The following ZSCAN20 variants were observed in gnomAD, a reference collection of about 807,000 sequenced individuals.
ZSCAN20 encodes zinc finger and SCAN domain-containing protein 20.
Under a neutral mutation model 97.1 loss-of-function variants are expected in ZSCAN20, and 39 were observed. That is an observed-to-expected ratio of 0.40 (90% CI 0.31 to 0.52). The LOEUF (loss-of-function observed/expected upper bound fraction) is 0.52. Among genes scored for constraint, ZSCAN20 ranks in the 20% least tolerant of loss-of-function variants. The pLI is 0.49. For missense variants in ZSCAN20, 1,115 were observed against 1,290.4 expected, an observed-to-expected ratio of 0.86 and a Z score of 2.08; for synonymous variants, 456 against 467.3, an observed-to-expected ratio of 0.98 and a Z score of 0.31.
At chr1:33,475,689 G>A (rs971230032) in intron 1 of ZSCAN20, among the ~76,000 whole-genome samples, 6 of 151,364 alleles carry the variant, frequency 4.0e-5, no homozygotes, top group East Asian at 1.9e-4. Context: ...AGACAGAGTC[G>A]TGCTCTGTTG....
At position 33,489,589 on chromosome 1, in the gene ZSCAN20, C is replaced by G; in HGVS notation, c.753C>G (p.Asn251Lys). The G allele has an allele frequency of 6.2e-7, 1 of 1,614,130 alleles. No individual in the cohort carries two copies. Among genetic ancestry groups the G allele is most frequent in the Non-Finnish European group, 8.5e-7 (1 of 1,180,016 alleles). Residue 251 changes from asparagine to lysine, a missense_variant, in exon 5 of 8, where the codon AAC becomes AAG. By Grantham distance (94) the Asn-to-Lys change is moderately conservative. Coordinates refer to ENST00000684572, the MANE Select transcript of ZSCAN20 (RefSeq NM_001377376.1). ...CKDPPGDDCG[N>K]SVCLGVPVSK... Reference sequence around the variant, plus strand: ...ACCCCCCAGGAGACGACTGTGGGAACAGCGTGTGCCTGGGTAAGGAGACGT... The same window carrying G: ...ACCCCCCAGGAGACGACTGTGGGAAGAGCGTGTGCCTGGGTAAGGAGACGT...
In ZSCAN20 at chr1:33,501,605, G is replaced by C. The variant is rs781344678; in HGVS notation, c.*6129G>C. Among the ~76,000 whole-genome samples the C allele has an allele frequency of 6.1e-5, 9 of 148,564 alleles. No homozygotes were observed. The highest frequency in any genetic ancestry group is 1.3e-4 in the Admixed American group (2 of 14,866). On this transcript the variant is annotated 3_prime_UTR_variant, in exon 8 of 8. Coordinates refer to ENST00000684572, the MANE Select transcript of ZSCAN20 (RefSeq NM_001377376.1). ...TCAAATCATATTTTGGGATGGAATG[G>C]CCTGATAAGTTAATAAATTATATTA...
intron 5 of ZSCAN20, among the ~76,000 whole-genome samples, chr1:33,490,690 A>ACACACC (rs1557442637): frequency 2.3e-5 from 3 of 129,756 alleles, no homozygotes; most frequent in Non-Finnish European, 3.4e-5. Flanking sequence ...CACACCACAC[A>ACACACC]CCCTTTTCCT....
At chr1:33,494,095 AGAAGATATAAG>A in intron 7 of ZSCAN20, 112 bp from the exon 8 acceptor site, 1 of 856,954 alleles carries the variant, frequency 1.2e-6, no homozygotes, top group Non-Finnish European at 1.8e-6. Context: ...GATGTGCGAT[AGAAGATATAAG>A]AATCAAATTC....
intron 5 of ZSCAN20, among the ~76,000 whole-genome samples, chr1:33,490,466 G>A (rs960192800): frequency 1.3e-5 from 2 of 152,150 alleles, no homozygotes; most frequent in Non-Finnish European, 2.9e-5. Context: ...GAAGTCCAGA[G>A]GAGGACATGC....
In ZSCAN20 at chr1:33,498,286, T is replaced by A. The variant is rs1037232637; in HGVS notation, c.*2810T>A. ...TCACCCTTTCCCCTGGGTTTGGTAG[T>A]GTGTTAGTGTCTCATATCTTTAGTG... On this transcript the variant is annotated 3_prime_UTR_variant, in exon 8 of 8. Coordinates refer to ENST00000684572, the MANE Select transcript of ZSCAN20 (RefSeq NM_001377376.1). Among the ~76,000 whole-genome samples the A allele has an allele frequency of 6.6e-6, 1 of 152,208 alleles. No individual in the cohort carries two copies. The highest frequency in any genetic ancestry group is 1.5e-5 in the Non-Finnish European group (1 of 68,044).
chr1:33,491,457 C>T lies in ZSCAN20; in HGVS notation c.1199C>T (p.Pro400Leu). The T allele has an allele frequency of 6.2e-7, 1 of 1,614,162 alleles. No individual in the cohort carries two copies. The highest frequency in any genetic ancestry group is 8.5e-7 in the Non-Finnish European group (1 of 1,180,020). ...AGCAGCCACCCACCAGGTACCTGCC[C>T]CTTCTATGAGGAGCTGGAGGCCCTG... is the stretch of plus-strand genomic sequence containing the variant. ...AKSSHPPGTCPFYEELEALVR... is the reference protein window; with the variant it reads ...AKSSHPPGTCLFYEELEALVR... The change falls in exon 6 of 8, where the codon CCC becomes CTC. Residue 400 changes from proline (P) to leucine (L), a missense_variant. Pro to Leu is a moderately conservative substitution (Grantham distance 98, BLOSUM62 -3). Transcript: ENST00000684572. The surrounding 1 kb of genome is among the most constrained non-coding windows in gnomAD (Gnocchi z 4.3).
At chr1:33,476,784 T>G (rs1651955282) in intron 1 of ZSCAN20, among the ~76,000 whole-genome samples, 1 of 152,226 alleles carries the variant, frequency 6.6e-6, no homozygotes, top group Non-Finnish European at 1.5e-5. Flanking sequence ...GGCAAAATCT[T>G]TCTACATATG....
chr1:33,476,235 G>A (rs1383637933), intron 1 of ZSCAN20, among the ~76,000 whole-genome samples: 1 of 152,150 alleles, frequency 6.6e-6, no homozygotes, highest in East Asian at 1.9e-4. Flanking sequence ...GAAGTCACCC[G>A]GCTGTTGGCC....
At chr1:33,492,877 C>T (rs181891756) in intron 6 of ZSCAN20, among the ~76,000 whole-genome samples, 123 of 152,082 alleles carry the variant, frequency 8.1e-4, no homozygotes, top group African/African-American at 2.9e-3. Flanking sequence ...CAGGCCTTTC[C>T]CTGAACTAAT....
In ZSCAN20 at chr1:33,487,615, C is replaced by A. The variant is rs1400121001; in HGVS notation, c.418-850C>A. Among the ~76,000 whole-genome samples, 3 of 151,754 alleles carry A rather than the reference C, an allele frequency of 2.0e-5. No individual in the cohort carries two copies. In the East Asian group the frequency reaches 5.8e-4, roughly 29 times the overall value. On this transcript the variant is annotated intron_variant, in intron 2 of 7. Transcript: ENST00000684572. ...TGTCCTTCTATTGTAAGATTAACAACACGTACTTTTATCTCATTTTAAAAT... is the reference window on the plus strand; with the variant it reads ...TGTCCTTCTATTGTAAGATTAACAAAACGTACTTTTATCTCATTTTAAAAT...
rs1652462438 is a variant in ZSCAN20 at position 33,488,574 on chromosome 1, A to G, written c.527A>G (p.Lys176Arg). The G allele has an allele frequency of 6.2e-7, 1 of 1,612,982 alleles. No homozygotes were observed. The highest frequency in any genetic ancestry group is 8.5e-7 in the Non-Finnish European group (1 of 1,179,792). ...DPWPEGQSQK[K>R]GVKNTCPDLP... Reference sequence around the variant, plus strand: ...TGGCCTGAGGGACAGTCCCAGAAGAAGGGGGTGAAGAATACATGCCCTGAC... The same window carrying G: ...TGGCCTGAGGGACAGTCCCAGAAGAGGGGGGTGAAGAATACATGCCCTGAC... Residue 176 changes from lysine to arginine, a missense_variant, in exon 3 of 8, where the codon AAG becomes AGG. Physicochemically the swap from Lys to Arg is conservative, Grantham distance 26. Around this residue, in one of 3 missense-constraint regions of ZSCAN20, gnomAD observed 508 missense variants for 611.2 expected, o/e 0.83. Coordinates refer to ENST00000684572, the MANE Select transcript of ZSCAN20 (RefSeq NM_001377376.1).
At chr1:33,488,336 T>C in intron 2 of ZSCAN20, 129 bp from the exon 3 acceptor site, 1 of 856,578 alleles carries the variant, frequency 1.2e-6, no homozygotes, top group East Asian at 2.5e-5. Flanking sequence ...TCTGATGGCT[T>C]TCTCATCCTA....
In ZSCAN20 at chr1:33,500,665, T is replaced by G. The variant is rs78177272; in HGVS notation, c.*5189T>G. ...CATGATACTTATTTCTAAAGTCACTTTTTTTTTTTTTTTTACATTTTCATT... is the reference window on the plus strand; with the variant it reads ...CATGATACTTATTTCTAAAGTCACTGTTTTTTTTTTTTTTACATTTTCATT... On this transcript the variant is annotated 3_prime_UTR_variant, in exon 8 of 8. Coordinates refer to ENST00000684572, the MANE Select transcript of ZSCAN20 (RefSeq NM_001377376.1). Among the ~76,000 whole-genome samples the G allele has an allele frequency of 7.8e-5, 2 of 25,648 alleles. No individual in the cohort carries two copies. Among genetic ancestry groups the G allele is most frequent in the Non-Finnish European group, 1.9e-4 (2 of 10,518 alleles). 16.8% of individuals were successfully genotyped at this position (25,648 alleles called of 152,430 possible). A position where few individuals can be genotyped will look rare whatever the true frequency, so the allele number is the denominator to read the frequency against.
In ZSCAN20 at chr1:33,497,714, G is replaced by A. The variant is rs1213514466; in HGVS notation, c.*2238G>A. Among the ~76,000 whole-genome samples, 1 of 152,150 alleles carries A rather than the reference G, an allele frequency of 6.6e-6. No individual in the cohort carries two copies. The highest frequency in any genetic ancestry group is 1.5e-5 in the Non-Finnish European group (1 of 67,996). ...TCTGAACTAGAGCAGTGGTGACACT[G>A]AGGAGGAGGGAATGAATGGGAAAGG... is the stretch of plus-strand genomic sequence containing the variant. On this transcript the variant is annotated 3_prime_UTR_variant, in exon 8 of 8. Coordinates refer to ENST00000684572, the MANE Select transcript of ZSCAN20 (RefSeq NM_001377376.1).
At chr1:33,473,212 G>C (rs1341794313) in intron 1 of ZSCAN20, among the ~76,000 whole-genome samples, 2 of 152,110 alleles carry the variant, frequency 1.3e-5, no homozygotes, top group Non-Finnish European at 2.9e-5. Flanking sequence ...TATGTCTTAT[G>C]GAAGTCAGTG....
At chr1:33,489,645 GAT>G in intron 5 of ZSCAN20, 43 bp downstream of exon 5, 1 of 1,570,670 alleles carries the variant, frequency 6.4e-7, no homozygotes. Context: ...TCATGCTTCT[GAT>G]ACACCCAGTT....
chr1:33,491,150 C>A lies in ZSCAN20; in HGVS notation c.892C>A (p.Gln298Lys). The A allele has an allele frequency of 3.1e-6, 5 of 1,614,016 alleles. No homozygotes were observed. The highest frequency in any genetic ancestry group is 4.2e-6 in the Non-Finnish European group (5 of 1,180,034). ...TTACAGCCTGGATAATGAGCCAGCT[C>A]AGGCATTGACCTGGAGGGATTCAAG... ...ADYSLDNEPA[Q>K]ALTWRDSRAW... The change falls in exon 6 of 8, where the codon CAG (glutamine) becomes AAG (lysine). Residue 298 changes from glutamine (Q) to lysine (K), a missense_variant. Gln to Lys is a moderately conservative substitution (Grantham distance 53, BLOSUM62 1). This residue lies in a region of ZSCAN20 where 508 missense variants were observed against 611.2 expected (regional missense o/e 0.83). Transcript: ENST00000684572. This position sits in a 1 kb window ranked among gnomAD's most constrained non-coding sequence, Gnocchi z 4.3.
At position 33,496,436 on chromosome 1, in the gene ZSCAN20, T is replaced by C. The variant is rs187095707; in HGVS notation, c.*960T>C. 6.6e-6 allele frequency: 1 copy of C among 152,312 alleles called. No individual in the cohort carries two copies. The highest frequency in any genetic ancestry group is 1.9e-4 in the East Asian group (1 of 5,190). 9.4% of individuals were successfully genotyped at this position (152,312 alleles called of 1,614,324 possible). The stretch of plus-strand genomic sequence containing the variant: ...GAGCAAGGATGAGCTATTATCAAAA[T>C]ACTTGATGTGAGTTTCCATCTTCGC... On this transcript the variant is annotated 3_prime_UTR_variant, in exon 8 of 8. Transcript: ENST00000684572.
Sources: gnomAD v4.1 joint callset for allele counts (sites outside exome capture counted in the v4.1 genomes callset) on GRCh38, gnomAD v4.1.1 for gene constraint, gnomAD v4.1.1 regional missense constraint, Gnocchi (gnomAD v3.1) non-coding constraint, MANE v1.5 for transcripts, NCBI Gene and HGNC (gene_info 2026-07-23, HGNC 2026-07-21) for gene names.